The following PIAS1 variants were observed in gnomAD, a reference collection of about 807,000 sequenced individuals.
PIAS1 encodes the protein E3 SUMO-protein ligase PIAS1.
In PIAS1, 6 loss-of-function variants were observed where a neutral mutation model predicts 71.3. The observed-to-expected ratio is 0.08, with a 90% CI of 0.05 to 0.17. The LOEUF (loss-of-function observed/expected upper bound fraction) is 0.17, where lower values mean the gene tolerates loss of function less well. Ranked by LOEUF, PIAS1 falls within the 10% of genes least tolerant of loss-of-function variation. The pLI is 1.00. For synonymous variants in PIAS1, 303 were observed against 292.9 expected (o/e 1.03, Z -0.35); for missense variants, 555 against 793.6 (o/e 0.70, Z 3.61).
At chr15:68,159,653 G>A (rs555128192) in intron 7 of PIAS1, among the ~76,000 whole-genome samples, 10 of 152,164 alleles carry the variant, frequency 6.6e-5, no homozygotes, top group Non-Finnish European at 1.5e-4. Flanking sequence ...TTGCTGCGTA[G>A]TATTTCATTT....
chr15:68,061,716 C>T (rs1157775415), intron 1 of PIAS1, among the ~76,000 whole-genome samples: 1 of 152,206 alleles, frequency 6.6e-6, no homozygotes, highest in Non-Finnish European at 1.5e-5. Flanking sequence ...CCAAAACACT[C>T]CTTTCATTCT....
chr15:68,183,073 CCTT>C (rs1183993765), intron 12 of PIAS1, among the ~76,000 whole-genome samples: 4 of 152,190 alleles, frequency 2.6e-5, no homozygotes, highest in African/African-American at 9.7e-5. Context: ...CAGAACTACT[CCTT>C]CTTATGTAAT....
rs2093096228 is a variant in PIAS1 at position 68,187,598 on chromosome 15, C to A, written c.1719C>A (p.Asp573Glu). ...AAAAAVSDDQDLLHSSRFFPY... is the reference protein window; with the variant it reads ...AAAAAVSDDQELLHSSRFFPY... ...CAGCAGCAGTTTCAGATGATCAAGA[C>A]CTCCTACACTCGTCTCGGTTTTTCC... Residue 573 changes from aspartate to glutamate, a missense_variant, in exon 14 of 14, where the codon GAC (aspartate) becomes GAA (glutamate). Coordinates refer to ENST00000249636, the MANE Select transcript of PIAS1 (RefSeq NM_016166.3). This position sits in a 1 kb window ranked among gnomAD's most constrained non-coding sequence, Gnocchi z 5.3. The A allele has an allele frequency of 6.2e-7, 1 of 1,613,818 alleles. No individual in the cohort carries two copies. Among genetic ancestry groups the A allele is most frequent in the African/African-American group, 1.3e-5 (1 of 74,922 alleles).
intron 1 of PIAS1, among the ~76,000 whole-genome samples, chr15:68,082,384 T>C (rs1180280519): frequency 2.6e-5 from 4 of 152,082 alleles, no homozygotes; most frequent in Non-Finnish European, 5.9e-5. Context: ...ACAGTCCAAA[T>C]TGGAATATGG....
rs543880113 is a variant in PIAS1 at position 68,119,213 on chromosome 15, A to C, written c.470-22733A>C. Among the ~76,000 whole-genome samples the C allele has an allele frequency of 7.8e-5, 10 of 128,264 alleles. No homozygotes were observed. In the East Asian group the frequency reaches 2.8e-3, roughly 36 times the overall value. The allele number at this position is 128,264 out of a possible 152,430, so 84.1% of individuals were successfully genotyped here. On this transcript the variant is annotated intron_variant, in intron 2 of 13. Transcript: ENST00000249636. Reference sequence around the variant, plus strand: ...TCAGGAGTTTGAGACCAGCCTGGCCAACATGGTGAAACCCCATCTCTACCA... The same window carrying C: ...TCAGGAGTTTGAGACCAGCCTGGCCCACATGGTGAAACCCCATCTCTACCA...
At chr15:68,157,373 CTA>C (rs2092897798) in intron 7 of PIAS1, among the ~76,000 whole-genome samples, 1 of 152,186 alleles carries the variant, frequency 6.6e-6, no homozygotes, top group African/African-American at 2.4e-5. Context: ...ACAAGCTCCT[CTA>C]TGGATAGAGC....
At chr15:68,088,188 A>ATATATATATATG (rs1487024173) in intron 2 of PIAS1, among the ~76,000 whole-genome samples, 1 of 141,180 alleles carries the variant, frequency 7.1e-6, no homozygotes, top group Non-Finnish European at 1.5e-5. Flanking sequence ...ATATATATAT[A>ATATATATATATG]TATATATATA....
chr15:68,134,645 C>A (rs1195096218), intron 2 of PIAS1, among the ~76,000 whole-genome samples: 3 of 32,282 alleles, frequency 9.3e-5, no homozygotes, highest in Non-Finnish European at 1.4e-4. Context: ...CCCTCCCGGA[C>A]GGGGCGGCTG....
intron 2 of PIAS1, among the ~76,000 whole-genome samples, chr15:68,089,736 A>G (rs1477937934): frequency 6.6e-6 from 1 of 151,436 alleles, no homozygotes; most frequent in South Asian, 2.1e-4. Flanking sequence ...TTGTATTTTT[A>G]GTAGAGATAG....
intron 2 of PIAS1, among the ~76,000 whole-genome samples, chr15:68,123,013 A>C (rs1288582105): frequency 6.6e-6 from 1 of 151,468 alleles, no homozygotes; most frequent in Non-Finnish European, 1.5e-5. Context: ...TTTTAAGCCT[A>C]AATCTCAGAG....
intron 2 of PIAS1, among the ~76,000 whole-genome samples, chr15:68,087,368 A>G (rs79511314): frequency 1.8e-4 from 27 of 152,202 alleles, no homozygotes; most frequent in African/African-American, 6.3e-4. Context: ...AGAATTCAAT[A>G]TATTAATCAA....
intron 13 of PIAS1, chr15:68,184,126 CTTGTT>C (rs1235991134): frequency 6.6e-6 from 1 of 152,398 alleles, no homozygotes; most frequent in African/African-American, 2.4e-5. Context: ...AAAATCTTGT[CTTGTT>C]TTGTTCATCA....
Position 68,057,529 on chromosome 15 carries a change from A to T in PIAS1, c.24+3179A>T, listed in dbSNP as rs193230906. ...CCATCAGCATTTTAGTGGAGTAAAT[A>T]ATGAAATTAAATGGGAAGAGAAACC... is the stretch of plus-strand genomic sequence containing the variant. On this transcript the variant is annotated intron_variant, in intron 1 of 13. Coordinates refer to ENST00000249636, the MANE Select transcript of PIAS1 (RefSeq NM_016166.3). The T allele has an allele frequency of 2.8e-5, 12 of 431,996 alleles. No homozygotes were observed. In the Admixed American group the frequency reaches 2.9e-4, roughly 11 times the overall value. 26.8% of individuals were successfully genotyped at this position (431,996 alleles called of 1,614,324 possible). A position where few individuals can be genotyped will look rare whatever the true frequency, so the allele number is the denominator to read the frequency against.
chr15:68,148,803 T>C (rs2092825910), intron 6 of PIAS1, among the ~76,000 whole-genome samples: 1 of 152,152 alleles, frequency 6.6e-6, no homozygotes, highest in South Asian at 2.1e-4. Flanking sequence ...GAGTGGTAAA[T>C]AGTTTAAATG....
intron 2 of PIAS1, among the ~76,000 whole-genome samples, chr15:68,109,439 T>C (rs988153996): frequency 1.3e-5 from 2 of 152,230 alleles, no homozygotes. Flanking sequence ...GCTAAGCACC[T>C]AGAATATTAT....
intron 1 of PIAS1, among the ~76,000 whole-genome samples, chr15:68,060,752 C>G (rs1164223218): frequency 6.6e-6 from 1 of 151,344 alleles, no homozygotes; most frequent in Admixed American, 6.6e-5. Flanking sequence ...AACATAGTTT[C>G]AAGGATCCAC....
intron 1 of PIAS1, among the ~76,000 whole-genome samples, chr15:68,065,542 G>C (rs919582128): frequency 6.8e-6 from 1 of 147,230 alleles, no homozygotes; most frequent in Admixed American, 6.9e-5. Flanking sequence ...AGTGAACTGA[G>C]ATCCACTGCA....
At chr15:68,139,410 T>C (rs1213877999) in intron 2 of PIAS1, among the ~76,000 whole-genome samples, 1 of 152,216 alleles carries the variant, frequency 6.6e-6, no homozygotes, top group East Asian at 1.9e-4. Context: ...ATCTGCAAAC[T>C]TATTTGATCA....
At position 68,193,308 on chromosome 15, in the gene PIAS1, C is replaced by T. The variant is rs925631227; in HGVS notation, c.*5473C>T. On this transcript the variant is annotated 3_prime_UTR_variant, in exon 14 of 14. Coordinates refer to ENST00000249636, the MANE Select transcript of PIAS1 (RefSeq NM_016166.3). ...TTGGTGTGGGGTGTAAAGTAGATCG[C>T]TCTTCCTGCTCTCAGCTGATGCTGC... The T allele has an allele frequency of 6.6e-6, 1 of 152,328 alleles. No homozygotes were observed. The highest frequency in any genetic ancestry group is 6.5e-5 in the Admixed American group (1 of 15,286). 9.4% of individuals were successfully genotyped at this position (152,328 alleles called of 1,614,324 possible). A position where few individuals can be genotyped will look rare whatever the true frequency, so the allele number is the denominator to read the frequency against.
Sources: gnomAD v4.1 joint callset for allele counts (sites outside exome capture counted in the v4.1 genomes callset) on GRCh38, gnomAD v4.1.1 for gene constraint, Gnocchi (gnomAD v3.1) non-coding constraint, MANE v1.5 for transcripts, NCBI Gene and HGNC (gene_info 2026-07-23, HGNC 2026-07-21) for gene names.